Variants in RNF141 observed in about 807,000 individuals in gnomAD.
The protein encoded by RNF141 is ring finger protein 141, also known as C3HC4-like zinc finger protein.
A neutral mutation model predicts 27.4 loss-of-function variants in RNF141; 18 were observed. That is an observed-to-expected ratio of 0.66 (90% CI 0.45 to 0.97). The LOEUF (loss-of-function observed/expected upper bound fraction) is 0.97. Ranked by LOEUF, RNF141 falls within the 50% of genes least tolerant of loss-of-function variation. The probability of loss-of-function intolerance (pLI) is 0.00; values close to 1 mark genes in which losing one functional copy is unlikely to be tolerated. For missense variants in RNF141, 230 were observed against 279.4 expected (o/e 0.82, Z 1.26); for synonymous variants, 97 against 96.6 (o/e 1.00, Z -0.02).
intron 3 of RNF141, among the ~76,000 whole-genome samples, chr11:10,526,755 C>G (rs947905102): frequency 8.6e-5 from 13 of 150,368 alleles, no homozygotes; most frequent in Admixed American, 4.7e-4. Context: ...GCACTCCAGC[C>G]TGGGCGACAG....
At chr11:10,518,837 AC>A (rs1432243625) in intron 5 of RNF141, 196 bp downstream of exon 5, 1 of 456,460 alleles carries the variant, frequency 2.2e-6, no homozygotes, top group Non-Finnish European at 3.9e-6. Flanking sequence ...ACTAAGGTAC[AC>A]CCCCATATTT....
intron 5 of RNF141, chr11:10,515,505 C>G (rs569611408): frequency 6.5e-6 from 1 of 153,084 alleles, no homozygotes; most frequent in Non-Finnish European, 1.5e-5. Flanking sequence ...TGCAGCAATT[C>G]GCATCCCCAT....
chr11:10,538,961 T>A (rs868293962), intron 1 of RNF141, among the ~76,000 whole-genome samples: 5 of 152,304 alleles, frequency 3.3e-5, no homozygotes, highest in African/African-American at 1.2e-4. Context: ...GGTCAAGATT[T>A]CTCAAAGAAC....
In RNF141 at chr11:10,525,349, C is replaced by G. The variant is rs765901793; in HGVS notation, c.277G>C (p.Glu93Gln). ...TKINKSSGIVEASRIMNLYQF... is the reference protein window; with the variant it reads ...TKINKSSGIVQASRIMNLYQF... ...TATAAATTCATGATCCGTGATGCCT[C>G]CACAATGCCACTGCTTTTGTTAATC... is the stretch of plus-strand genomic sequence containing the variant. The change falls in exon 4 of 6, where the codon GAG becomes CAG. Residue 93 changes from glutamate (E) to glutamine (Q), a missense_variant. By Grantham distance (29) the Glu-to-Gln change is conservative. Transcript: ENST00000265981. 3.8e-6 allele frequency: 6 copies of G among 1,586,494 alleles called. No individual in the cohort carries two copies. The South Asian group carries it at 7.1e-5, about 19-fold the overall frequency.
rs1036529784 is a variant in RNF141 at position 10,512,271 on chromosome 11, TTA to T, written c.*2643_*2644del. ...TTAAACAAATTTACAACTTTTACGA[TTA>T]GTTATTACAGTAGAACTGACCTAAC... On this transcript the variant is annotated 3_prime_UTR_variant, in exon 6 of 6. Coordinates refer to ENST00000265981, the MANE Select transcript of RNF141 (RefSeq NM_016422.4). 1 of 152,664 alleles carries T rather than the reference TTA, an allele frequency of 6.6e-6. No homozygotes were observed. The highest frequency in any genetic ancestry group is 6.5e-5 in the Admixed American group (1 of 15,286). The allele number at this position is 152,664 out of a possible 1,614,324, so 9.5% of individuals were successfully genotyped here.
At chr11:10,520,961 C>T (rs1849883188) in intron 4 of RNF141, among the ~76,000 whole-genome samples, 1 of 152,182 alleles carries the variant, frequency 6.6e-6, no homozygotes, top group Non-Finnish European at 1.5e-5. Context: ...CAGGGCCTTA[C>T]AATGCTGACA....
At chr11:10,538,481 C>T (rs1371290152) in intron 1 of RNF141, among the ~76,000 whole-genome samples, 1 of 152,204 alleles carries the variant, frequency 6.6e-6, no homozygotes, top group African/African-American at 2.4e-5. Context: ...CTCTAGTCAA[C>T]CACCACAGCT....
intron 5 of RNF141, 98 bp from the exon 6 acceptor site, chr11:10,515,164 T>C (rs146085326): frequency 7.5e-6 from 10 of 1,337,708 alleles, no homozygotes; most frequent in Non-Finnish European, 8.2e-6. Flanking sequence ...AAAAAGGAAA[T>C]AGCATAGAAA....
At chr11:10,533,421 T>C (rs1850006542) in intron 2 of RNF141, among the ~76,000 whole-genome samples, 1 of 150,688 alleles carries the variant, frequency 6.6e-6, no homozygotes, top group African/African-American at 2.4e-5. Context: ...TAAGTAGAAA[T>C]TTAAAGGTGT....
chr11:10,527,956 C>CT (rs1438068437), intron 3 of RNF141, among the ~76,000 whole-genome samples: 3 of 152,104 alleles, frequency 2.0e-5, no homozygotes, highest in Non-Finnish European at 4.4e-5. Flanking sequence ...AAGAATGACT[C>CT]TAAGAAGTTG....
chr11:10,527,175 C>T (rs1350862210), intron 3 of RNF141, among the ~76,000 whole-genome samples: 2 of 152,190 alleles, frequency 1.3e-5, no homozygotes, highest in African/African-American at 2.4e-5. Context: ...ACTATGTGCA[C>T]TGCTCTAGGC....
chr11:10,527,572 G>A (rs1394677445), intron 3 of RNF141, among the ~76,000 whole-genome samples: 2 of 151,956 alleles, frequency 1.3e-5, no homozygotes, highest in Non-Finnish European at 2.9e-5. Context: ...ACGGTGAGGT[G>A]GGAATAGAAT....
At chr11:10,532,222 C>G (rs755890512) in intron 2 of RNF141, among the ~76,000 whole-genome samples, 3 of 152,006 alleles carry the variant, frequency 2.0e-5, no homozygotes, top group Non-Finnish European at 4.4e-5. Context: ...AAAATATAAA[C>G]ATAACAAAGC....
At chr11:10,541,008 C>T (rs368701893) in intron 1 of RNF141, 114 bp downstream of exon 1, 1 of 152,246 alleles carries the variant, frequency 6.6e-6, no homozygotes, top group African/African-American at 2.4e-5. Flanking sequence ...AGGCCTGTCT[C>T]CCCGCGGAAG....
chr11:10,525,983 C>T (rs1304118199), intron 3 of RNF141, among the ~76,000 whole-genome samples: 3 of 152,140 alleles, frequency 2.0e-5, no homozygotes, highest in Admixed American at 2.0e-4. Context: ...TCTCCCCCAT[C>T]CAGTTTACAA....
intron 4 of RNF141, among the ~76,000 whole-genome samples, chr11:10,522,327 G>GGA (rs1849894087): frequency 6.6e-6 from 1 of 152,166 alleles, no homozygotes; most frequent in Non-Finnish European, 1.5e-5. Flanking sequence ...AGAGCATTGT[G>GGA]GAGAGAGATA....
intron 5 of RNF141, chr11:10,518,676 C>T: frequency 6.0e-6 from 1 of 167,252 alleles, no homozygotes; most frequent in Admixed American, 6.1e-5. Flanking sequence ...CTAAAGTTCC[C>T]TGAGGTCCAG....
intron 1 of RNF141, among the ~76,000 whole-genome samples, chr11:10,534,939 T>C (rs1177964881): frequency 6.6e-6 from 1 of 152,082 alleles, no homozygotes; most frequent in Non-Finnish European, 1.5e-5. Context: ...ATGTTAGATA[T>C]TTTAACCACC....
chr11:10,530,214 T>A (rs2133972870), intron 3 of RNF141, among the ~76,000 whole-genome samples: 1 of 152,278 alleles, frequency 6.6e-6, no homozygotes, highest in East Asian at 1.9e-4. Flanking sequence ...TAACTAAAAA[T>A]TACTAAAAAA....
Sources: gnomAD v4.1 joint callset for allele counts (sites outside exome capture counted in the v4.1 genomes callset) on GRCh38, gnomAD v4.1.1 for gene constraint, MANE v1.5 for transcripts, NCBI Gene and HGNC (gene_info 2026-07-23, HGNC 2026-07-21) for gene names.